CATSPERD: variants seen among roughly 807,000 people sequenced by gnomAD.
The protein encoded by CATSPERD is cation channel sperm-associated auxiliary subunit delta.
CATSPERD carries 86 observed loss-of-function variants against 98.1 expected under a neutral mutation model. The ratio of observed to expected loss-of-function variants is 0.88; its 90% confidence interval spans 0.74 to 1.05. The LOEUF (loss-of-function observed/expected upper bound fraction) is 1.05, where lower values mean the gene tolerates loss of function less well. CATSPERD is among the 50% of genes least tolerant of loss of function. CATSPERD has a pLI of 0.00. For missense variants in CATSPERD, 995 were observed against 1,005.7 expected, an observed-to-expected ratio of 0.99 and a Z score of 0.14; for synonymous variants, 394 against 390.2, an observed-to-expected ratio of 1.01 and a Z score of -0.12.
At chr19:5,762,069 T>A (rs1156601662) in intron 15 of CATSPERD, among the ~76,000 whole-genome samples, 1 of 83,306 alleles carries the variant, frequency 1.2e-5, no homozygotes, top group African/African-American at 4.0e-5. Flanking sequence ...TTTTTTTTTT[T>A]TTTTTTTTTT....
intron 7 of CATSPERD, among the ~76,000 whole-genome samples, chr19:5,743,301 C>G (rs943767777): frequency 1.1e-4 from 16 of 148,946 alleles, no homozygotes; most frequent in Admixed American, 4.0e-4. Flanking sequence ...GTAACTCTGT[C>G]TCAAAAACAA....
At chr19:5,772,052 CTTT>C (rs745956659) in intron 19 of CATSPERD, 10 of 91,432 alleles carry the variant, frequency 1.1e-4, no homozygotes, top group East Asian at 3.0e-4. Context: ...TTCCTTTTTT[CTTT>C]TTTTTTTTTT....
intron 1 of CATSPERD, among the ~76,000 whole-genome samples, chr19:5,722,059 C>T (rs183151569): frequency 2.0e-5 from 3 of 152,146 alleles, no homozygotes; most frequent in Admixed American, 6.5e-5. Flanking sequence ...TCCAGTGATC[C>T]TCCTGCCTCA....
At chr19:5,729,080 A>G (rs2055665914) in intron 3 of CATSPERD, among the ~76,000 whole-genome samples, 2 of 151,816 alleles carry the variant, frequency 1.3e-5, no homozygotes, top group South Asian at 2.1e-4. Context: ...TTTAAAAGGA[A>G]TAGGAATTAA....
In CATSPERD at chr19:5,778,629, C is replaced by A; in HGVS notation, c.2350C>A (p.Pro784Thr). The A allele has an allele frequency of 6.2e-7, 1 of 1,613,584 alleles. No homozygotes were observed. Among genetic ancestry groups the A allele is most frequent in the Non-Finnish European group, 8.5e-7 (1 of 1,179,998 alleles). The change falls in exon 22 of 22, where the codon CCC (proline) becomes ACC (threonine). Residue 784 changes from proline (P) to threonine (T), a missense_variant. Around this residue, in one of 3 missense-constraint regions of CATSPERD, gnomAD observed 762 missense variants for 773.7 expected, o/e 0.98. Transcript: ENST00000381624. ...ASATARAGTE[P>T]PGRHRTPHGG... ...AGCCACAGCCAGGGCAGGCACAGAG[C>A]CCCCGGGACGCCACCGCACTCCTCA...
At chr19:5,763,110 G>T in intron 15 of CATSPERD, 105 bp from the exon 16 acceptor site, 1 of 781,258 alleles carries the variant, frequency 1.3e-6, no homozygotes. Context: ...TGAGATGGAT[G>T]GATGGATGCA....
At chr19:5,767,261 G>T (rs1225033998) in intron 17 of CATSPERD, among the ~76,000 whole-genome samples, 1 of 135,614 alleles carries the variant, frequency 7.4e-6, no homozygotes, top group Non-Finnish European at 1.6e-5. Context: ...AACTTGAAGT[G>T]AGCCGAGATC....
At chr19:5,768,513 T>C (rs2056586318) in intron 18 of CATSPERD, among the ~76,000 whole-genome samples, 1 of 151,938 alleles carries the variant, frequency 6.6e-6, no homozygotes, top group Non-Finnish European at 1.5e-5. Flanking sequence ...ATTTGTTTTA[T>C]TTTTAGTAGA....
intron 19 of CATSPERD, chr19:5,772,214 A>ACTTTTTTT (rs2056660127): frequency 6.9e-6 from 1 of 145,112 alleles, no homozygotes; most frequent in Non-Finnish European, 1.3e-5. Flanking sequence ...TGCCCGGTTA[A>ACTTTTTTT]TTTTTTTTTT....
At position 5,769,314 on chromosome 19, in the gene CATSPERD, A is replaced by AAAAAAT. The variant is rs35594514; in HGVS notation, c.1634+1072_1634+1073insAAAAAT. ...GAGACAAAAAAAAAAAAAAAAAAAA[A>AAAAAAT]GAGGGTGGTGGGATGGGGGGAGGAG... On this transcript the variant is annotated intron_variant, in intron 18 of 21. Transcript: ENST00000381624. Among the ~76,000 whole-genome samples, 3 of 132,938 alleles carry AAAAAAT rather than the reference A, an allele frequency of 2.3e-5. 1 individual carries two copies. The highest frequency in any genetic ancestry group is 4.3e-4 in the East Asian group (2 of 4,642). The allele number at this position is 132,938 out of a possible 152,430, so 87.2% of individuals were successfully genotyped here. A position where few individuals can be genotyped will look rare whatever the true frequency, so the allele number is the denominator to read the frequency against.
Position 5,738,352 on chromosome 19 carries a change from C to CA in CATSPERD, c.460-956dup, listed in dbSNP as rs767298084. Among the ~76,000 whole-genome samples the CA allele has an allele frequency of 3.7e-3, 389 of 104,914 alleles. 2 individuals carry two copies. The highest frequency in any genetic ancestry group is 0.022 in the Middle Eastern group (4 of 182). The allele number at this position is 104,914 out of a possible 152,430, so 68.8% of individuals were successfully genotyped here. A position where few individuals can be genotyped will look rare whatever the true frequency, so the allele number is the denominator to read the frequency against. ...TGAGACCTTGTCTCTACTCAAAATA[C>CA]AAAAAAAAAAAAAAAAAAGAAAAGA... On this transcript the variant is annotated intron_variant, in intron 6 of 21. Transcript: ENST00000381624.
At chr19:5,765,488 TC>T in intron 16 of CATSPERD, among the ~76,000 whole-genome samples, 1 of 152,170 alleles carries the variant, frequency 6.6e-6, no homozygotes, top group South Asian at 2.1e-4. Flanking sequence ...CCCCATGCTC[TC>T]TGTGTACCAG....
chr19:5,758,086 AC>A (rs2056361389), intron 14 of CATSPERD, among the ~76,000 whole-genome samples, 154 bp downstream of exon 14: 1 of 151,948 alleles, frequency 6.6e-6, no homozygotes, highest in African/African-American at 2.4e-5. Context: ...CGTCAACCAC[AC>A]GCTTGACCTC....
At chr19:5,756,406 T>G (rs1414656507) in intron 13 of CATSPERD, among the ~76,000 whole-genome samples, 1 of 152,180 alleles carries the variant, frequency 6.6e-6, no homozygotes, top group Non-Finnish European at 1.5e-5. Context: ...ATGGCAGTGA[T>G]GGTTGCACGA....
chr19:5,761,028 T>C (rs1052585894), intron 15 of CATSPERD, among the ~76,000 whole-genome samples: 4 of 113,932 alleles, frequency 3.5e-5, no homozygotes, highest in South Asian at 3.3e-4. Flanking sequence ...GTTTTTTTTA[T>C]TTGTTTTGTT....
chr19:5,753,519 G>A (rs1028710385), intron 12 of CATSPERD: 11 of 285,866 alleles, frequency 3.8e-5, no homozygotes, highest in South Asian at 6.0e-5. Context: ...CCGAGATTAC[G>A]CCACTGCACC....
At chr19:5,777,996 G>A (rs1200017367) in intron 21 of CATSPERD, among the ~76,000 whole-genome samples, 1 of 151,934 alleles carries the variant, frequency 6.6e-6, no homozygotes, top group African/African-American at 2.4e-5. Context: ...ATCACTTGAG[G>A]TCAGGAGTTC....
chr19:5,775,168 A>G (rs2144698354), intron 20 of CATSPERD: 1 of 461,960 alleles, frequency 2.2e-6, no homozygotes, highest in Non-Finnish European at 4.5e-6. Context: ...TACTACTGCT[A>G]CTACTTGAGA....
intron 5 of CATSPERD, among the ~76,000 whole-genome samples, chr19:5,734,586 C>T (rs569648272): frequency 2.6e-5 from 4 of 151,298 alleles, no homozygotes; most frequent in South Asian, 2.1e-4. Context: ...TGCGGTGAGC[C>T]GAGATTGTGC....
Sources: allele counts gnomAD v4.1 joint callset (sites outside exome capture counted in the v4.1 genomes callset), GRCh38; gene constraint gnomAD v4.1.1; regional missense constraint gnomAD v4.1.1; transcripts MANE v1.5; gene names NCBI Gene and HGNC (gene_info 2026-07-23, HGNC 2026-07-21).